Variants in NRG2 observed in about 807,000 individuals in gnomAD.
NRG2 encodes the protein pro-neuregulin-2, membrane-bound isoform.
In NRG2, 27 loss-of-function variants were observed where a neutral mutation model predicts 73.9. The observed-to-expected ratio is 0.37, with a 90% CI of 0.27 to 0.50. The LOEUF is 0.50. Ranked by LOEUF, NRG2 falls within the 20% of genes least tolerant of loss-of-function variation. The pLI, the probability that NRG2 is intolerant of heterozygous loss-of-function variation, is 0.96. For synonymous variants in NRG2, 532 were observed against 541.0 expected, an observed-to-expected ratio of 0.98 and a Z score of 0.23; for missense variants, 1,126 against 1,210.1, an observed-to-expected ratio of 0.93 and a Z score of 1.03.
intron 1 of NRG2, among the ~76,000 whole-genome samples, chr5:140,027,459 G>A (rs4404729): frequency 0.3 from 44,896 of 152,008 alleles, 6,747 homozygotes; most frequent in Admixed American, 0.33. Context: ...AACCCCAATA[G>A]GATTCACCGG....
chr5:139,950,379 CCTT>C (rs1554112819), intron 1 of NRG2, among the ~76,000 whole-genome samples: 1 of 152,210 alleles, frequency 6.6e-6, no homozygotes, highest in Non-Finnish European at 1.5e-5. Context: ...GTATGATACA[CCTT>C]CTGTAGAACA....
chr5:139,972,472 C>A (rs780776916), intron 1 of NRG2, among the ~76,000 whole-genome samples: 4 of 152,208 alleles, frequency 2.6e-5, no homozygotes, highest in Non-Finnish European at 4.4e-5. Flanking sequence ...CACCTGTAAT[C>A]CCAGCACTTT....
At chr5:139,938,879 A>AGG (rs1478887997) in intron 1 of NRG2, among the ~76,000 whole-genome samples, 1 of 89,672 alleles carries the variant, frequency 1.1e-5, no homozygotes, top group African/African-American at 6.6e-5. Context: ...AGAGAGAGAG[A>AGG]GAAGGAAAGA....
At chr5:139,953,458 C>T (rs552308250) in intron 1 of NRG2, among the ~76,000 whole-genome samples, 1 of 152,306 alleles carries the variant, frequency 6.6e-6, no homozygotes, top group South Asian at 2.1e-4. Flanking sequence ...GTCCCCACTC[C>T]TATCCTCACT....
At chr5:139,897,595 C>T (rs1210124041) in intron 1 of NRG2, among the ~76,000 whole-genome samples, 1 of 152,180 alleles carries the variant, frequency 6.6e-6, no homozygotes, top group African/African-American at 2.4e-5. Flanking sequence ...GTGTCTGTCA[C>T]TGGGTAGGTG....
At chr5:139,990,782 TTAAG>T (rs1473139720) in intron 1 of NRG2, among the ~76,000 whole-genome samples, 5 of 152,240 alleles carry the variant, frequency 3.3e-5, no homozygotes, top group Non-Finnish European at 1.5e-5. Flanking sequence ...TTTATTGATC[TTAAG>T]TGTTTCCTAT....
chr5:139,884,220 T>C (rs192351556), intron 2 of NRG2, among the ~76,000 whole-genome samples: 1 of 152,284 alleles, frequency 6.6e-6, no homozygotes, highest in Admixed American at 6.5e-5. Context: ...AATGAAGCCA[T>C]GTCTAAGGCA....
chr5:139,927,764 CAAAAAAA>C (rs67854211), intron 1 of NRG2, among the ~76,000 whole-genome samples: 8 of 82,548 alleles, frequency 9.7e-5, no homozygotes, highest in Non-Finnish European at 1.3e-4. Flanking sequence ...AACCTTGTCT[CAAAAAAA>C]AAAAAAAAAA....
intron 6 of NRG2, among the ~76,000 whole-genome samples, chr5:139,854,129 T>G (rs1761661696): frequency 6.6e-6 from 1 of 152,232 alleles, no homozygotes; most frequent in South Asian, 2.1e-4. Context: ...AGTGTCCTGT[T>G]TCTCTCCCAG....
At chr5:139,916,722 A>G (rs1751282699) in intron 1 of NRG2, among the ~76,000 whole-genome samples, 1 of 152,236 alleles carries the variant, frequency 6.6e-6, no homozygotes. Flanking sequence ...AGCATGGATC[A>G]GTATTCATAC....
At chr5:139,890,080 C>T (rs1764108315) in intron 1 of NRG2, among the ~76,000 whole-genome samples, 1 of 152,090 alleles carries the variant, frequency 6.6e-6, no homozygotes, top group Non-Finnish European at 1.5e-5. Context: ...AAGGTTGCAC[C>T]AATTTGCGCT....
chr5:139,959,336 A>G (rs1754889357), intron 1 of NRG2, among the ~76,000 whole-genome samples: 1 of 152,088 alleles, frequency 6.6e-6, no homozygotes, highest in Non-Finnish European at 1.5e-5. Context: ...AGTAGCTGGG[A>G]CTACAGACAT....
At position 140,042,756 on chromosome 5, in the gene NRG2, A is replaced by T; in HGVS notation, c.314T>A (p.Leu105His). Reference protein sequence around the residue: ...RDPAPGFSMLLFGVSLACYSP... With the variant: ...RDPAPGFSMLHFGVSLACYSP... ...GTAGCAGGCGAGCGACACACCGAAG[A>T]GCAGCATGGAGAAGCCGGGGGCCGG... Residue 105 changes from leucine (L) to histidine (H), a missense_variant, in exon 1 of 10, where the codon CTC becomes CAC. Transcript: ENST00000361474. 1.3e-6 allele frequency: 2 copies of T among 1,552,820 alleles called. No individual in the cohort carries two copies. Among genetic ancestry groups the T allele is most frequent in the Non-Finnish European group, 1.7e-6 (2 of 1,150,076 alleles).
At chr5:139,906,181 T>C (rs559818266) in intron 1 of NRG2, among the ~76,000 whole-genome samples, 92 of 152,282 alleles carry the variant, frequency 6.0e-4, no homozygotes, top group African/African-American at 2.0e-3. Context: ...CTACTTTTTG[T>C]ATTTTTAGTA....
rs1749648343 is a variant in NRG2, at chr5:139,869,862, C to T, written c.1112+1859G>A. On this transcript the variant is annotated intron_variant, in intron 4 of 9. Transcript: ENST00000361474. The surrounding 1 kb of genome is among the most constrained non-coding windows in gnomAD (Gnocchi z 4.5). Reference sequence around the variant, plus strand: ...CCCTCCTGGAGCCCACATATCTCACCACTCCCTTGCCCACACCGAACTCTA... The same window carrying T: ...CCCTCCTGGAGCCCACATATCTCACTACTCCCTTGCCCACACCGAACTCTA... The T allele has an allele frequency of 6.5e-6, 1 of 152,690 alleles. No homozygotes were observed. The allele number at this position is 152,690 out of a possible 1,614,324, so 9.5% of individuals were successfully genotyped here. A position where few individuals can be genotyped will look rare whatever the true frequency, so the allele number is the denominator to read the frequency against.
At chr5:140,032,128 C>T (rs978599455) in intron 1 of NRG2, among the ~76,000 whole-genome samples, 1 of 152,148 alleles carries the variant, frequency 6.6e-6, no homozygotes, top group Non-Finnish European at 1.5e-5. Flanking sequence ...GAAAAGGAAC[C>T]TGGTCATACC....
chr5:139,989,490 C>T (rs1757412921), intron 1 of NRG2, among the ~76,000 whole-genome samples: 1 of 152,012 alleles, frequency 6.6e-6, no homozygotes, highest in Non-Finnish European at 1.5e-5. Context: ...CAACCTGAAT[C>T]CTCACTCCCT....
chr5:140,007,433 A>G (rs147085344), intron 1 of NRG2, among the ~76,000 whole-genome samples: 136 of 152,148 alleles, frequency 8.9e-4, no homozygotes, highest in East Asian at 8.0e-3. Context: ...CTCCAGAGCC[A>G]TAACAGACAC....
At chr5:139,890,778 T>C (rs1764167707) in intron 1 of NRG2, among the ~76,000 whole-genome samples, 1 of 152,206 alleles carries the variant, frequency 6.6e-6, no homozygotes, top group Non-Finnish European at 1.5e-5. Context: ...TAAAGGGCTC[T>C]TCAGGTGTGT....
Sources: allele counts gnomAD v4.1 joint callset (sites outside exome capture counted in the v4.1 genomes callset), GRCh38; gene constraint gnomAD v4.1.1; non-coding constraint Gnocchi (gnomAD v3.1); transcripts MANE v1.5; gene names NCBI Gene and HGNC (gene_info 2026-07-23, HGNC 2026-07-21).